Variants in GNA14 observed in about 807,000 individuals in gnomAD.
GNA14 encodes guanine nucleotide-binding protein subunit alpha-14.
In GNA14, 50 loss-of-function variants were observed where a neutral mutation model predicts 42.0. The observed-to-expected ratio is 1.19, with a 90% CI of 0.95 to 1.51. The LOEUF (loss-of-function observed/expected upper bound fraction) is 1.51. Ranked by LOEUF, GNA14 falls within the 40% of genes most tolerant of loss-of-function variation. The probability of loss-of-function intolerance (pLI) is 0.00; values close to 1 mark genes in which losing one functional copy is unlikely to be tolerated. For missense variants in GNA14, 473 were observed against 446.2 expected, an observed-to-expected ratio of 1.06 and a Z score of -0.54; for synonymous variants, 173 against 163.1, an observed-to-expected ratio of 1.06 and a Z score of -0.46.
intron 1 of GNA14, among the ~76,000 whole-genome samples, chr9:77,569,585 C>T (rs1446803309): frequency 1.3e-5 from 2 of 152,088 alleles, no homozygotes; most frequent in Admixed American, 1.3e-4. Flanking sequence ...GTGAGTTCCA[C>T]CAACAGGGGC....
intron 1 of GNA14, among the ~76,000 whole-genome samples, chr9:77,609,180 A>C (rs567845024): frequency 2.0e-5 from 3 of 152,312 alleles, no homozygotes; most frequent in African/African-American, 7.2e-5. Context: ...TCCTCAGCTA[A>C]ATATCAACTT....
At chr9:77,429,113 T>C (rs1835504318) in intron 4 of GNA14, 77 bp from the exon 5 acceptor site, 5 of 1,389,332 alleles carry the variant, frequency 3.6e-6, no homozygotes, top group African/African-American at 2.8e-5. Context: ...AATTATAGCA[T>C]GGAAACCAGT....
chr9:77,511,146 C>T (rs1025934955), intron 2 of GNA14, among the ~76,000 whole-genome samples: 1 of 151,988 alleles, frequency 6.6e-6, no homozygotes, highest in Admixed American at 6.6e-5. Flanking sequence ...TTATGAAATC[C>T]CAGAATGTCC....
intron 1 of GNA14, among the ~76,000 whole-genome samples, chr9:77,567,416 T>C (rs1340168607): frequency 6.6e-6 from 1 of 152,202 alleles, no homozygotes; most frequent in African/African-American, 2.4e-5. Flanking sequence ...ACTTTAACTA[T>C]CATCCTGGAG....
In GNA14 at chr9:77,529,223, A is replaced by T. The variant is rs1250333791; in HGVS notation, c.155T>A (p.Ile52Asn). 1 of 1,613,882 alleles carries T rather than the reference A, an allele frequency of 6.2e-7. No homozygotes were observed. Among genetic ancestry groups the T allele is most frequent in the Non-Finnish European group, 8.5e-7 (1 of 1,179,970 alleles). Residue 52 changes from isoleucine to asparagine, a missense_variant, in exon 2 of 7, where the codon ATC becomes AAC. Ile to Asn is a moderately radical substitution (Grantham distance 149). Coordinates refer to ENST00000341700, the MANE Select transcript of GNA14 (RefSeq NM_004297.4). ...GTGESGKSTF[I>N]KQMRIIHGSG... ...CCCATGGATAATTCTCATCTGCTTG[A>T]TAAAGGTGCTTTTCCCACTTTCACC...
At chr9:77,547,668 T>C (rs998346333) in intron 1 of GNA14, among the ~76,000 whole-genome samples, 3 of 152,206 alleles carry the variant, frequency 2.0e-5, no homozygotes, top group Non-Finnish European at 4.4e-5. Context: ...AAAGAGCCTA[T>C]CCTTGCTGGA....
chr9:77,596,227 C>T (rs181111579), intron 1 of GNA14, among the ~76,000 whole-genome samples: 1 of 151,804 alleles, frequency 6.6e-6, no homozygotes, highest in African/African-American at 2.4e-5. Context: ...CAAGCAGAAA[C>T]GTAAATATTG....
chr9:77,546,339 AC>A (rs1288671841), intron 1 of GNA14, among the ~76,000 whole-genome samples: 4 of 151,364 alleles, frequency 2.6e-5, no homozygotes, highest in Admixed American at 2.6e-4. Flanking sequence ...AATGAAATAT[AC>A]CCTCCCCTTG....
At chr9:77,624,129 C>G (rs1350538046) in intron 1 of GNA14, among the ~76,000 whole-genome samples, 1 of 152,276 alleles carries the variant, frequency 6.6e-6, no homozygotes, top group East Asian at 1.9e-4. Flanking sequence ...GGGTTTCCCC[C>G]TCACAGTGTA....
intron 1 of GNA14, among the ~76,000 whole-genome samples, chr9:77,617,340 A>G (rs1374760457): frequency 6.6e-6 from 1 of 152,138 alleles, no homozygotes; most frequent in Non-Finnish European, 1.5e-5. Flanking sequence ...TGACACTACC[A>G]AGGACCCAGT....
chr9:77,429,719 T>C (rs1362182660), intron 4 of GNA14, among the ~76,000 whole-genome samples: 4 of 152,176 alleles, frequency 2.6e-5, no homozygotes, highest in Non-Finnish European at 5.9e-5. Context: ...GGGCCCTGTC[T>C]ACAGGGAAGC....
intron 1 of GNA14, among the ~76,000 whole-genome samples, chr9:77,603,302 C>A (rs1251920562): frequency 1.3e-5 from 2 of 152,102 alleles, no homozygotes; most frequent in Admixed American, 6.5e-5. Context: ...CTGATGCAAA[C>A]CCCCCAACCA....
At chr9:77,551,357 A>T (rs1837783106) in intron 1 of GNA14, among the ~76,000 whole-genome samples, 1 of 152,106 alleles carries the variant, frequency 6.6e-6, no homozygotes, top group Admixed American at 6.5e-5. Flanking sequence ...GGGTCTTTAG[A>T]CTTCCTTTAT....
chr9:77,592,081 A>AT (rs1263492459), intron 1 of GNA14, among the ~76,000 whole-genome samples: 3 of 151,654 alleles, frequency 2.0e-5, no homozygotes, highest in Non-Finnish European at 4.4e-5. Context: ...TGCTCGGCTA[A>AT]TTTTTTGTAT....
intron 1 of GNA14, among the ~76,000 whole-genome samples, chr9:77,645,001 A>T (rs531069686): frequency 7.2e-5 from 11 of 152,238 alleles, no homozygotes; most frequent in African/African-American, 2.4e-4. Flanking sequence ...CTGATGAGAA[A>T]GTGTCACACC....
At chr9:77,568,581 T>G (rs1339377813) in intron 1 of GNA14, among the ~76,000 whole-genome samples, 1 of 152,194 alleles carries the variant, frequency 6.6e-6, no homozygotes, top group African/African-American at 2.4e-5. Context: ...AATCCAAATT[T>G]TGATTCAGAA....
intron 1 of GNA14, among the ~76,000 whole-genome samples, chr9:77,546,257 C>T (rs553252429): frequency 1.3e-5 from 2 of 150,544 alleles, no homozygotes; most frequent in East Asian, 3.9e-4. Context: ...CTAATCCGCA[C>T]TCCTTATCTA....
chr9:77,596,637 C>CA (rs1823471812), intron 1 of GNA14, among the ~76,000 whole-genome samples: 1 of 151,812 alleles, frequency 6.6e-6, no homozygotes, highest in Non-Finnish European at 1.5e-5. Flanking sequence ...CAAAATGATC[C>CA]AAAAAGGAGA....
chr9:77,600,141 T>G (rs1823533970), intron 1 of GNA14, among the ~76,000 whole-genome samples: 1 of 152,206 alleles, frequency 6.6e-6, no homozygotes, highest in Non-Finnish European at 1.5e-5. Context: ...TGTCCTTGTT[T>G]GAGGGCCTTT....
Sources: gnomAD v4.1 joint callset for allele counts (sites outside exome capture counted in the v4.1 genomes callset) on GRCh38, gnomAD v4.1.1 for gene constraint, MANE v1.5 for transcripts, NCBI Gene and HGNC (gene_info 2026-07-23, HGNC 2026-07-21) for gene names.